MACF1: variants seen among roughly 807,000 people sequenced by gnomAD.
MACF1 encodes microtubule actin crosslinking factor 1, also known as microtubule-actin cross-linking factor 1.
A neutral mutation model predicts 854.8 loss-of-function variants in MACF1; 193 were observed. The observed-to-expected ratio is 0.23, with a 90% CI of 0.20 to 0.25. The LOEUF (loss-of-function observed/expected upper bound fraction) is 0.25, where lower values mean the gene tolerates loss of function less well. MACF1 is among the 10% of genes least tolerant of loss of function. MACF1 has a pLI of 1.00. For synonymous variants in MACF1, 3,185 were observed against 3,226.7 expected (o/e 0.99, Z 0.44); for missense variants, 7,722 against 8,929.1 (o/e 0.86, Z 5.45).
At chr1:39,471,964 A>G (rs1217466547) in intron 97 of MACF1, among the ~76,000 whole-genome samples, 1 of 152,152 alleles carries the variant, frequency 6.6e-6, no homozygotes, top group Non-Finnish European at 1.5e-5. Flanking sequence ...GAAACTCTAT[A>G]CCCATTAAAC....
intron 33 of MACF1, 28 bp downstream of exon 33, chr1:39,323,036 T>A: frequency 6.3e-7 from 1 of 1,599,326 alleles, no homozygotes. Flanking sequence ...CAAAGTCATC[T>A]TGAAAGTACA....
intron 6 of MACF1, chr1:39,269,392 C>T (rs1393853581): frequency 1.6e-6 from 2 of 1,289,766 alleles, no homozygotes; most frequent in Non-Finnish European, 2.0e-6. Flanking sequence ...GTTTCAGGTG[C>T]CCCTCAGACA....
intron 84 of MACF1, among the ~76,000 whole-genome samples, chr1:39,448,992 A>G (rs765301427): frequency 1.3e-5 from 2 of 152,222 alleles, no homozygotes; most frequent in Non-Finnish European, 2.9e-5. Flanking sequence ...AATCAAACCA[A>G]CAATAATAGA....
At chr1:39,423,373 C>T (rs1643612398) in intron 60 of MACF1, among the ~76,000 whole-genome samples, 1 of 152,030 alleles carries the variant, frequency 6.6e-6, no homozygotes. Flanking sequence ...TGGTGGTTCA[C>T]GCCTGTAATC....
rs528023539 is a variant in MACF1, at chr1:39,332,411, T to A, written c.5823T>A (p.Pro1941=). The A allele has an allele frequency of 6.8e-6, 11 of 1,614,044 alleles. No homozygotes were observed. In the South Asian group the frequency reaches 1.2e-4, roughly 18 times the overall value. Reference sequence around the variant, plus strand: ...ACTCTGCAGAACAAAATATTAATCCTGGAGCAGCAGTTCTACCGTGCAGCA... The same window carrying A: ...ACTCTGCAGAACAAAATATTAATCCAGGAGCAGCAGTTCTACCGTGCAGCA... ...LADSAEQNIN[P]GAAVLPCSKS... The change falls in exon 37 of 101, where the codon CCT becomes CCA. Residue 1941 remains proline (P), a synonymous_variant. Transcript: ENST00000564288.
At chr1:39,178,178 A>G (rs1187589621) in intron 2 of MACF1, among the ~76,000 whole-genome samples, 6 of 53,388 alleles carry the variant, frequency 1.1e-4, no homozygotes, top group Non-Finnish European at 1.6e-4. Context: ...CCTTTTCAAC[A>G]TTCTTTTTTT....
At chr1:39,171,962 G>C (rs1379364219) in intron 2 of MACF1, among the ~76,000 whole-genome samples, 1 of 152,206 alleles carries the variant, frequency 6.6e-6, no homozygotes, top group Non-Finnish European at 1.5e-5. Context: ...GTTGATAATG[G>C]CTTCATTTAG....
rs1425018796 is a variant in MACF1 at position 39,405,086 on chromosome 1, AGT to A, written c.15816+16434_15816+16435del. ...ACAGGGGTCATGAGAGTTCCTGCAG[AGT>A]GTGTGGAAAGTTTTCTCATGGGTTC... is the stretch of plus-strand genomic sequence containing the variant. On this transcript the variant is annotated intron_variant, in intron 58 of 100. Transcript: ENST00000564288. Among the ~76,000 whole-genome samples the A allele has an allele frequency of 3.9e-5, 6 of 152,286 alleles. No homozygotes were observed. The South Asian group carries it at 8.3e-4, about 21-fold the overall frequency.
chr1:39,124,821 G>A lies in MACF1; in HGVS notation c.220+40383G>A, dbSNP rs377307456. ...TGAAATAAATATTATCTCCATTTTC[G>A]GATGAAGAAACAGAACAAACAGGTT... is the stretch of plus-strand genomic sequence containing the variant. On this transcript the variant is annotated intron_variant, in intron 2 of 93. Coordinates refer to the MACF1 transcript ENST00000361689. 1.4e-3 allele frequency among the ~76,000 whole-genome samples: 216 copies of A among 152,172 alleles called. 2 individuals are homozygous for A. In the South Asian group the frequency reaches 0.019, roughly 13 times the overall value.
chr1:39,481,947 C>T lies in MACF1; in HGVS notation c.22281+917C>T, dbSNP rs1645019343. 2.6e-5 allele frequency among the ~76,000 whole-genome samples: 4 copies of T among 152,310 alleles called. No homozygotes were observed. In the South Asian group the frequency reaches 8.3e-4, roughly 32 times the overall value. On this transcript the variant is annotated intron_variant, in intron 99 of 100. Coordinates refer to ENST00000564288, the MANE Select transcript of MACF1 (RefSeq NM_001394062.1). ...AAATATATCTGGTTTAGAATATGAT[C>T]TGGGGACCTACTGCCACTAAACTAC...
intron 2 of MACF1, among the ~76,000 whole-genome samples, chr1:39,184,160 A>G (rs1644138639): frequency 6.6e-6 from 1 of 152,092 alleles, no homozygotes; most frequent in South Asian, 2.1e-4. Context: ...GTGCCCTCAG[A>G]GCATATGGTT....
rs540039831 is a variant in MACF1, at chr1:39,461,717, G to T, written c.21524-166G>T. Among the ~76,000 whole-genome samples, 152 of 150,438 alleles carry T rather than the reference G, an allele frequency of 1.0e-3. 1 individual carries two copies. The highest frequency in any genetic ancestry group is 3.6e-3 in the African/African-American group (145 of 40,508). ...TGAGGCAGGAGAATCACTTGAACCA[G>T]GGAGACGGAAGTTGCAGTGAGCCGA... is the stretch of plus-strand genomic sequence containing the variant. On this transcript the variant is annotated intron_variant, in intron 92 of 100. Transcript: ENST00000564288.
chr1:39,449,196 G>A (rs953510823), intron 84 of MACF1, among the ~76,000 whole-genome samples: 5 of 152,102 alleles, frequency 3.3e-5, no homozygotes, highest in Non-Finnish European at 7.3e-5. Context: ...CATAACCACT[G>A]AGGTGGGTAC....
At chr1:39,230,518 T>C (rs1341752050) in intron 1 of MACF1, among the ~76,000 whole-genome samples, 1 of 151,904 alleles carries the variant, frequency 6.6e-6, no homozygotes, top group Non-Finnish European at 1.5e-5. Flanking sequence ...GTAAGTCCTT[T>C]ACAGGATAAG....
chr1:39,156,883 G>A (rs945459497), intron 2 of MACF1, among the ~76,000 whole-genome samples: 1 of 151,948 alleles, frequency 6.6e-6, no homozygotes, highest in Non-Finnish European at 1.5e-5. Flanking sequence ...GCACAAAGTA[G>A]TACCTTGCTG....
At chr1:39,360,694 T>TAA (rs74310728) in intron 47 of MACF1, 99 bp from the exon 48 acceptor site, 1 of 325,154 alleles carries the variant, frequency 3.1e-6, no homozygotes, top group Non-Finnish European at 4.9e-6. Flanking sequence ...ATAATAATAA[T>TAA]TTTTATTATT....
intron 5 of MACF1, 37 bp from the exon 6 acceptor site, chr1:39,257,899 C>T (rs766024056): frequency 1.4e-6 from 2 of 1,470,278 alleles, no homozygotes; most frequent in Non-Finnish European, 1.9e-6. Context: ...AACAAAAAGT[C>T]CTAGAGCTCT....
chr1:39,095,390 G>A lies in MACF1; in HGVS notation c.220+10952G>A, dbSNP rs532147142. Among the ~76,000 whole-genome samples the A allele has an allele frequency of 9.4e-4, 142 of 150,848 alleles. 2 individuals are homozygous for A. Among genetic ancestry groups the A allele is most frequent in the Non-Finnish European group, 3.0e-4 (20 of 67,736 alleles). On this transcript the variant is annotated intron_variant, in intron 2 of 93. Coordinates refer to the MACF1 transcript ENST00000361689. ...ATCCTGGCCAACATGGTGAAACCCT[G>A]TCTCTATTAAAAATACAAAAAAATT...
intron 69 of MACF1, 36 bp downstream of exon 69, chr1:39,434,668 A>C (rs1643933295): frequency 6.3e-7 from 1 of 1,581,606 alleles, no homozygotes; most frequent in African/African-American, 1.4e-5. Flanking sequence ...TATTGTTCTA[A>C]AATGGTCTCT....
Sources: gnomAD v4.1 joint callset for allele counts (sites outside exome capture counted in the v4.1 genomes callset) on GRCh38, gnomAD v4.1.1 for gene constraint, MANE v1.5 for transcripts, NCBI Gene and HGNC (gene_info 2026-07-23, HGNC 2026-07-21) for gene names.